The following ME1 variants were observed in gnomAD, a reference collection of about 807,000 sequenced individuals.
ME1 encodes the protein NADP-dependent malic enzyme.
ME1 carries 74 observed loss-of-function variants against 66.4 expected under a neutral mutation model. The observed-to-expected ratio is 1.11, with a 90% CI of 0.92 to 1.35. The LOEUF is 1.35. Ranked by LOEUF, ME1 falls within the 40% of genes most tolerant of loss-of-function variation. ME1 has a pLI of 0.00. For synonymous variants in ME1, 251 were observed against 235.6 expected (o/e 1.07, Z -0.60); for missense variants, 750 against 694.1 (o/e 1.08, Z -0.90).
intron 11 of ME1, among the ~76,000 whole-genome samples, chr6:83,224,654 A>T (rs1028038863): frequency 2.0e-5 from 3 of 148,832 alleles, no homozygotes; most frequent in African/African-American, 7.4e-5. Context: ...ACTGCACTCC[A>T]GCCTGGGCGA....
chr6:83,232,557 A>G (rs943097704), intron 9 of ME1, among the ~76,000 whole-genome samples: 1 of 152,174 alleles, frequency 6.6e-6, no homozygotes, highest in Non-Finnish European at 1.5e-5. Context: ...ACCTACATGC[A>G]TTGATCATAC....
intron 3 of ME1, among the ~76,000 whole-genome samples, chr6:83,397,116 A>C (rs1424730788): frequency 6.6e-6 from 1 of 152,222 alleles, no homozygotes; most frequent in Non-Finnish European, 1.5e-5. Context: ...CATAGGCAAA[A>C]GCAAAAATAG....
chr6:83,349,015 A>AAAAAAC lies in ME1; in HGVS notation c.439-2682_439-2681insGTTTTT, dbSNP rs746037012. Among the ~76,000 whole-genome samples the AAAAAAC allele has an allele frequency of 1.0e-3, 130 of 124,034 alleles. 13 individuals are homozygous for AAAAAAC. The highest frequency in any genetic ancestry group is 5.6e-3 in the Middle Eastern group (1 of 178). The allele number at this position is 124,034 out of a possible 152,430, so 81.4% of individuals were successfully genotyped here. A position where few individuals can be genotyped will look rare whatever the true frequency, so the allele number is the denominator to read the frequency against. ...AAAAAAAAAAAACAAAAAACAAAAAACAGTGCATTCTTTCTTATTTCTTCA... is the reference window on the plus strand; with the variant it reads ...AAAAAAAAAAAACAAAAAACAAAAAAAAAAACCAGTGCATTCTTTCTTATTTCTTCA... On this transcript the variant is annotated intron_variant, in intron 4 of 13. Transcript: ENST00000369705.
intron 1 of ME1, 107 bp downstream of exon 1, chr6:83,430,770 C>G (rs976843039): frequency 2.0e-6 from 2 of 1,016,368 alleles, no homozygotes; most frequent in Admixed American, 2.5e-5. Flanking sequence ...CGGGAACCTT[C>G]CCAGGGGAGC....
At chr6:83,359,135 A>G (rs376935016) in intron 3 of ME1, among the ~76,000 whole-genome samples, 1 of 151,648 alleles carries the variant, frequency 6.6e-6, no homozygotes, top group East Asian at 2.0e-4. Flanking sequence ...GGGGCTGGGC[A>G]GAGGCACTCC....
intron 6 of ME1, among the ~76,000 whole-genome samples, chr6:83,261,632 C>A (rs73489462): frequency 2.6e-5 from 4 of 151,806 alleles, no homozygotes; most frequent in East Asian, 1.9e-4. Context: ...TGTTAAAGTG[C>A]GGGTTTCCAG....
intron 3 of ME1, among the ~76,000 whole-genome samples, chr6:83,357,035 T>C (rs888775543): frequency 4.6e-5 from 7 of 152,218 alleles, no homozygotes; most frequent in Admixed American, 3.3e-4. Context: ...TTTCAAGACA[T>C]TGATACTTAT....
intron 6 of ME1, among the ~76,000 whole-genome samples, chr6:83,283,234 A>AT: frequency 7.1e-6 from 1 of 140,004 alleles, no homozygotes; most frequent in Non-Finnish European, 1.5e-5. Context: ...TCTCAAAAAA[A>AT]AAAAAAAAAA....
intron 3 of ME1, among the ~76,000 whole-genome samples, chr6:83,376,838 A>C (rs1769302181): frequency 6.6e-6 from 1 of 151,206 alleles, no homozygotes; most frequent in Admixed American, 6.6e-5. Context: ...AAGAAATATT[A>C]ACACATTTTG....
intron 6 of ME1, among the ~76,000 whole-genome samples, chr6:83,304,534 T>G (rs1295091376): frequency 6.6e-6 from 1 of 152,158 alleles, no homozygotes; most frequent in Non-Finnish European, 1.5e-5. Flanking sequence ...TGTTTTCTAT[T>G]CACAAATGTG....
chr6:83,370,735 C>A (rs1769179536), intron 3 of ME1, among the ~76,000 whole-genome samples: 1 of 152,040 alleles, frequency 6.6e-6, no homozygotes. Flanking sequence ...TACATCCTAT[C>A]CAGCATTTAC....
At chr6:83,336,234 G>T (rs1251841000) in intron 5 of ME1, among the ~76,000 whole-genome samples, 1 of 436 alleles carries the variant, frequency 2.3e-3, no homozygotes, top group African/African-American at 0.016. Flanking sequence ...ATTACATAAT[G>T]GTAAAGGGAT....
intron 5 of ME1, among the ~76,000 whole-genome samples, chr6:83,345,327 C>G (rs570362637): frequency 4.6e-5 from 7 of 152,190 alleles, no homozygotes; most frequent in Non-Finnish European, 1.0e-4. Flanking sequence ...GTTAAGTGAG[C>G]ATTCATGCAT....
At position 83,269,412 on chromosome 6, in the gene ME1, T is replaced by C. The variant is rs898613125; in HGVS notation, c.705-15674A>G. On this transcript the variant is annotated intron_variant, in intron 6 of 13. Transcript: ENST00000369705. The stretch of plus-strand genomic sequence containing the variant: ...GCCTTTTCCATCATAAAGTACACCA[T>C]ATTTGGATTTCATAATACACAAATC... Among the ~76,000 whole-genome samples the C allele has an allele frequency of 2.6e-5, 4 of 152,318 alleles. 1 individual carries two copies. Among genetic ancestry groups the C allele is most frequent in the Admixed American group, 2.6e-4 (4 of 15,302 alleles).
intron 4 of ME1, among the ~76,000 whole-genome samples, chr6:83,350,922 G>A (rs973350020): frequency 6.6e-5 from 9 of 135,914 alleles, no homozygotes; most frequent in African/African-American, 2.0e-4. Context: ...TGGATAACAT[G>A]GTCCTGTTGA....
intron 6 of ME1, among the ~76,000 whole-genome samples, chr6:83,301,336 C>CTTTCTT (rs1554266604): frequency 6.5e-5 from 8 of 123,572 alleles, no homozygotes; most frequent in African/African-American, 3.4e-4. Context: ...CTCTCTCTCT[C>CTTTCTT]TCTTTCTTTC....
At chr6:83,340,482 G>T (rs1451054057) in intron 5 of ME1, among the ~76,000 whole-genome samples, 1 of 152,062 alleles carries the variant, frequency 6.6e-6, no homozygotes, top group Non-Finnish European at 1.5e-5. Context: ...CTACATCTAT[G>T]TTCACGTGAG....
intron 9 of ME1, 101 bp from the exon 10 acceptor site, chr6:83,229,032 T>G (rs1263898815): frequency 2.7e-6 from 2 of 733,274 alleles, no homozygotes; most frequent in Non-Finnish European, 4.7e-6. Flanking sequence ...AACATTTTTA[T>G]GTATGATGTG....
chr6:83,325,100 C>T (rs558439712), intron 5 of ME1, among the ~76,000 whole-genome samples: 118 of 152,126 alleles, frequency 7.8e-4, no homozygotes, highest in Non-Finnish European at 1.1e-3. Context: ...ATAAACAGAA[C>T]CAATAACAAA....
Sources: gnomAD v4.1 joint callset for allele counts (sites outside exome capture counted in the v4.1 genomes callset) on GRCh38, gnomAD v4.1.1 for gene constraint, MANE v1.5 for transcripts, NCBI Gene and HGNC (gene_info 2026-07-23, HGNC 2026-07-21) for gene names.